Variants in ELF2 observed in about 807,000 individuals in gnomAD.
The protein encoded by ELF2 is ETS-related transcription factor Elf-2.
Under a neutral mutation model 54.8 loss-of-function variants are expected in ELF2, and 11 were observed. The observed-to-expected ratio is 0.20, with a 90% CI of 0.13 to 0.33. The LOEUF is 0.33. Among genes scored for constraint, ELF2 ranks in the 10% least tolerant of loss-of-function variants. The pLI is 1.00. For missense variants in ELF2, 513 were observed against 703.0 expected, an observed-to-expected ratio of 0.73 and a Z score of 3.06; for synonymous variants, 203 against 245.1, an observed-to-expected ratio of 0.83 and a Z score of 1.61.
At chr4:139,155,562 T>C (rs1004615766) in intron 1 of ELF2, 10 of 152,168 alleles carry the variant, frequency 6.6e-5, no homozygotes, top group East Asian at 3.8e-4. Context: ...CTGGACAACA[T>C]AGTGAGACTG....
In ELF2 at chr4:139,135,237, ATGTGTGTGTGTGTG is replaced by A. The variant is rs61122327; in HGVS notation, c.72+2379_72+2392del. On this transcript the variant is annotated intron_variant, in intron 3 of 9. Transcript: ENST00000686138. The stretch of plus-strand genomic sequence containing the variant: ...CTATTATACATATACTACTATATAT[ATGTGTGTGTGTGTG>A]TGTGTGTGTGTGTGTGTGTGTGTGT... 2.4e-3 allele frequency among the ~76,000 whole-genome samples: 268 copies of A among 112,480 alleles called. 1 individual carries two copies. Among genetic ancestry groups the A allele is most frequent in the African/African-American group, 7.5e-3 (248 of 33,222 alleles). 73.8% of individuals were successfully genotyped at this position (112,480 alleles called of 152,430 possible). A position where few individuals can be genotyped will look rare whatever the true frequency, so the allele number is the denominator to read the frequency against.
chr4:139,151,099 A>AAAAAGG (rs1560871888), intron 1 of ELF2, among the ~76,000 whole-genome samples: 1 of 151,196 alleles, frequency 6.6e-6, no homozygotes, highest in Non-Finnish European at 1.5e-5. Context: ...AAAGAAAAAG[A>AAAAAGG]GAGCTATTTA....
At chr4:139,072,955 C>CT (rs1438196862) in intron 5 of ELF2, among the ~76,000 whole-genome samples, 2 of 152,204 alleles carry the variant, frequency 1.3e-5, no homozygotes, top group Admixed American at 6.5e-5. Context: ...GACAAAATGA[C>CT]TATCAAAGTT....
rs188173260 is a variant in ELF2, at chr4:139,096,023, A to C, written c.239-22456T>G. On this transcript the variant is annotated intron_variant, in intron 4 of 9. Transcript: ENST00000686138. The stretch of plus-strand genomic sequence containing the variant: ...CTACTCGGGAGGCTGAGGCAGGAGA[A>C]TCGCTTAAACCCGGGAGGTGGAGGT... 8.5e-4 allele frequency among the ~76,000 whole-genome samples: 130 copies of C among 152,266 alleles called. 3 individuals are homozygous for C. In the East Asian group the frequency reaches 0.017, roughly 20 times the overall value.
intron 4 of ELF2, among the ~76,000 whole-genome samples, chr4:139,083,115 A>G (rs764363287): frequency 9.2e-5 from 14 of 151,854 alleles, no homozygotes; most frequent in Non-Finnish European, 1.8e-4. Flanking sequence ...AGCAGATTGG[A>G]ACCAGAGGCC....
At chr4:139,145,673 A>G (rs369772455) in intron 1 of ELF2, among the ~76,000 whole-genome samples, 4 of 152,258 alleles carry the variant, frequency 2.6e-5, no homozygotes, top group African/African-American at 9.6e-5. Flanking sequence ...CAAATGGCAC[A>G]TCAAAAAGAT....
chr4:139,122,159 A>G (rs1317920362), intron 4 of ELF2, among the ~76,000 whole-genome samples: 1 of 152,228 alleles, frequency 6.6e-6, no homozygotes, highest in South Asian at 2.1e-4. Flanking sequence ...AGACTGACAT[A>G]ATCTAAATTA....
intron 1 of ELF2, among the ~76,000 whole-genome samples, chr4:139,160,820 G>A (rs752737080): frequency 4.6e-5 from 7 of 151,812 alleles, no homozygotes; most frequent in African/African-American, 1.5e-4. Flanking sequence ...AAAATTAGCC[G>A]GGCATAGTGG....
chr4:139,107,799 T>C (rs562631282), intron 4 of ELF2, among the ~76,000 whole-genome samples: 1 of 152,252 alleles, frequency 6.6e-6, no homozygotes, highest in East Asian at 1.9e-4. Flanking sequence ...ACATAACAAC[T>C]CTCACAAGTA....
intron 1 of ELF2, among the ~76,000 whole-genome samples, chr4:139,151,610 T>C (rs1207880966): frequency 6.6e-6 from 1 of 152,198 alleles, no homozygotes; most frequent in Non-Finnish European, 1.5e-5. Flanking sequence ...AATAGGCAAC[T>C]GCCATCCTTG....
At chr4:139,088,327 G>GA (rs1433351666) in intron 4 of ELF2, among the ~76,000 whole-genome samples, 53 of 147,958 alleles carry the variant, frequency 3.6e-4, no homozygotes, top group Non-Finnish European at 6.7e-4. Context: ...AATTTTAACT[G>GA]AAAATATACT....
intron 4 of ELF2, chr4:139,101,687 T>G (rs1465795986): frequency 6.6e-6 from 1 of 152,244 alleles, no homozygotes; most frequent in Non-Finnish European, 1.5e-5. Flanking sequence ...CTGAATGCAC[T>G]GGCTTCTGAT....
chr4:139,084,417 G>A (rs1364505846), intron 4 of ELF2: 4 of 1,298,866 alleles, frequency 3.1e-6, no homozygotes, highest in African/African-American at 1.6e-5. Context: ...CTAACGGCAG[G>A]GGCAGGGGCG....
intron 4 of ELF2, among the ~76,000 whole-genome samples, chr4:139,109,686 T>C (rs1734764388): frequency 6.6e-6 from 1 of 152,244 alleles, no homozygotes; most frequent in Non-Finnish European, 1.5e-5. Context: ...ATCGTGTCCT[T>C]TGTAGCAACA....
At chr4:139,150,362 C>T (rs1229275385) in intron 1 of ELF2, among the ~76,000 whole-genome samples, 1 of 148,678 alleles carries the variant, frequency 6.7e-6, no homozygotes, top group Non-Finnish European at 1.5e-5. Context: ...AGCAAAACTG[C>T]ATCTCAAAAA....
At chr4:139,101,727 A>C (rs980003418) in intron 4 of ELF2, 7 of 152,234 alleles carry the variant, frequency 4.6e-5, no homozygotes, top group Admixed American at 3.9e-4. Context: ...GATAAAGGTC[A>C]CTAAAGGTTC....
At chr4:139,077,459 T>C (rs1730466591) in intron 4 of ELF2, among the ~76,000 whole-genome samples, 1 of 152,238 alleles carries the variant, frequency 6.6e-6, no homozygotes, top group Non-Finnish European at 1.5e-5. Context: ...CATTTTTATT[T>C]ACTAACTAAA....
intron 4 of ELF2, among the ~76,000 whole-genome samples, chr4:139,079,056 G>C (rs1161818081): frequency 6.6e-6 from 1 of 151,958 alleles, no homozygotes; most frequent in Non-Finnish European, 1.5e-5. Context: ...GTCTCAAGTA[G>C]ATGAGACCAC....
At chr4:139,069,026 C>T (rs1205271272) in intron 6 of ELF2, among the ~76,000 whole-genome samples, 1 of 152,084 alleles carries the variant, frequency 6.6e-6, no homozygotes, top group South Asian at 2.1e-4. Flanking sequence ...TGCACCACCA[C>T]GTCCAGCTAA....
Sources: allele counts gnomAD v4.1 joint callset (sites outside exome capture counted in the v4.1 genomes callset), GRCh38; gene constraint gnomAD v4.1.1; transcripts MANE v1.5; gene names NCBI Gene and HGNC (gene_info 2026-07-23, HGNC 2026-07-21).